Variants in SRL observed in about 807,000 individuals in gnomAD.
The protein encoded by SRL is sarcalumenin.
Under a neutral mutation model 39.5 loss-of-function variants are expected in SRL, and 23 were observed. The ratio of observed to expected loss-of-function variants is 0.58; its 90% CI spans 0.42 to 0.82. The LOEUF is 0.82. Among genes scored for constraint, SRL ranks in the 40% least tolerant of loss-of-function variants. The pLI is 0.00. For missense variants in SRL, 592 were observed against 607.8 expected (o/e 0.97, Z 0.27); for synonymous variants, 272 against 237.4 (o/e 1.15, Z -1.34).
chr16:4,210,573 CT>C (rs2052381395), intron 1 of SRL, among the ~76,000 whole-genome samples: 1 of 139,934 alleles, frequency 7.1e-6, no homozygotes, highest in Non-Finnish European at 1.5e-5. Context: ...TCACTGTAAT[CT>C]CCACCTCCCG....
At chr16:4,217,602 G>A (rs955199998) in intron 1 of SRL, among the ~76,000 whole-genome samples, 1 of 152,078 alleles carries the variant, frequency 6.6e-6, no homozygotes, top group South Asian at 2.1e-4. Flanking sequence ...ACTACCCAGC[G>A]AAGTAACCTT....
chr16:4,237,072 GCTGGGACTA>G (rs766511750), intron 1 of SRL, among the ~76,000 whole-genome samples: 223 of 152,022 alleles, frequency 1.5e-3, no homozygotes, highest in Non-Finnish European at 2.8e-3. Context: ...CTCCCAAGTA[GCTGGGACTA>G]CAGGTACCCG....
chr16:4,225,704 T>G (rs1233371744), intron 1 of SRL, among the ~76,000 whole-genome samples: 8 of 152,142 alleles, frequency 5.3e-5, no homozygotes, highest in African/African-American at 1.9e-4. Context: ...GCCCAGCCAC[T>G]GTCATCTCCC....
At chr16:4,231,240 C>CGG (rs949820505) in intron 1 of SRL, among the ~76,000 whole-genome samples, 1 of 152,038 alleles carries the variant, frequency 6.6e-6, no homozygotes, top group Non-Finnish European at 1.5e-5. Flanking sequence ...CACTTGAGCC[C>CGG]GGGAGGCAGA....
intron 1 of SRL, among the ~76,000 whole-genome samples, chr16:4,215,168 A>C (rs2052442653): frequency 6.6e-6 from 1 of 152,124 alleles, no homozygotes; most frequent in Non-Finnish European, 1.5e-5. Flanking sequence ...GCTTGTCTGC[A>C]TTCTCCCAGG....
At chr16:4,222,521 G>T (rs1306764000) in intron 1 of SRL, among the ~76,000 whole-genome samples, 1 of 152,030 alleles carries the variant, frequency 6.6e-6, no homozygotes, top group African/African-American at 2.4e-5. Context: ...TGATCCACCC[G>T]CCTCGGCCTC....
At chr16:4,205,277 G>A (rs2052304144) in intron 1 of SRL, among the ~76,000 whole-genome samples, 1 of 152,104 alleles carries the variant, frequency 6.6e-6, no homozygotes, top group African/African-American at 2.4e-5. Context: ...CCACCCCACT[G>A]CACTCCAGCC....
intron 1 of SRL, among the ~76,000 whole-genome samples, chr16:4,206,422 T>C (rs758892146): frequency 1.7e-4 from 26 of 152,048 alleles, no homozygotes; most frequent in Non-Finnish European, 2.4e-4. Context: ...AATCATTCCA[T>C]TAGCTCGCTG....
At chr16:4,206,630 G>T in intron 1 of SRL, 1 of 452,444 alleles carries the variant, frequency 2.2e-6, no homozygotes, top group South Asian at 1.6e-5. Flanking sequence ...GCCACCCTCT[G>T]CCACCTTCTG....
chr16:4,225,148 T>G (rs147849554), intron 1 of SRL, among the ~76,000 whole-genome samples: 1 of 130,740 alleles, frequency 7.6e-6, no homozygotes, highest in Non-Finnish European at 1.7e-5. Flanking sequence ...GAGCTTCTTT[T>G]TGAGGTGATA....
At chr16:4,227,377 G>A (rs1260334418) in intron 1 of SRL, among the ~76,000 whole-genome samples, 2 of 151,536 alleles carry the variant, frequency 1.3e-5, no homozygotes, top group African/African-American at 2.4e-5. Context: ...GGAAGGATGG[G>A]TGGATGGATA....
chr16:4,228,534 G>C (rs1409378614), intron 1 of SRL, among the ~76,000 whole-genome samples: 2 of 152,038 alleles, frequency 1.3e-5, no homozygotes, highest in Middle Eastern at 3.4e-3. Flanking sequence ...AGGAGATCGA[G>C]ACCATCCTGG....
At chr16:4,228,730 G>A (rs1287093409) in intron 1 of SRL, among the ~76,000 whole-genome samples, 5 of 150,452 alleles carry the variant, frequency 3.3e-5, no homozygotes, top group South Asian at 2.1e-4. Flanking sequence ...GCAAGACTCC[G>A]TCTCAAAAAA....
chr16:4,195,406 C>T, intron 5 of SRL, 147 bp downstream of exon 5: 1 of 765,582 alleles, frequency 1.3e-6, no homozygotes, highest in South Asian at 1.7e-5. Context: ...CTATGTTGCT[C>T]AGGCTGGTCT....
intron 1 of SRL, chr16:4,207,044 T>A: frequency 2.2e-6 from 1 of 453,440 alleles, no homozygotes. Flanking sequence ...ACTCCTCGGC[T>A]TCCTGCAGAT....
chr16:4,217,642 CT>C (rs2052475481), intron 1 of SRL, among the ~76,000 whole-genome samples: 2 of 152,232 alleles, frequency 1.3e-5, no homozygotes, highest in African/African-American at 4.8e-5. Flanking sequence ...CTGCACACAA[CT>C]TTATTCGCCC....
chr16:4,230,634 C>T (rs183846264), intron 1 of SRL, among the ~76,000 whole-genome samples: 39 of 152,006 alleles, frequency 2.6e-4, no homozygotes, highest in Middle Eastern at 3.4e-3. Flanking sequence ...TGATCCGCAC[C>T]CCCTTGGCCT....
chr16:4,205,478 A>C (rs1017778508), intron 1 of SRL, among the ~76,000 whole-genome samples: 1 of 152,304 alleles, frequency 6.6e-6, no homozygotes, highest in African/African-American at 2.4e-5. Flanking sequence ...CCACAGAAGG[A>C]AACATTCTGA....
chr16:4,232,881 C>T (rs971094417), intron 1 of SRL, among the ~76,000 whole-genome samples: 4 of 152,112 alleles, frequency 2.6e-5, no homozygotes, highest in African/African-American at 7.2e-5. Context: ...GAAGGAGGAC[C>T]GGGGGCTGCA....
Sources: allele counts gnomAD v4.1 joint callset (sites outside exome capture counted in the v4.1 genomes callset), GRCh38; gene constraint gnomAD v4.1.1; transcripts MANE v1.5; gene names NCBI Gene and HGNC (gene_info 2026-07-23, HGNC 2026-07-21).